CTNND2: variants seen among roughly 807,000 people sequenced by gnomAD.
The protein encoded by CTNND2 is catenin delta 2, also known as catenin delta-2.
A neutral mutation model predicts 144.4 loss-of-function variants in CTNND2; 22 were observed. The ratio of observed to expected loss-of-function variants is 0.15; its 90% confidence interval spans 0.11 to 0.22. CTNND2 has a LOEUF of 0.22. Among genes scored for constraint, CTNND2 ranks in the 10% least tolerant of loss-of-function variants. The pLI, the probability that CTNND2 is intolerant of heterozygous loss-of-function variation, is 1.00. For missense variants in CTNND2, 1,353 were observed against 1,618.8 expected, an observed-to-expected ratio of 0.84 and a Z score of 2.82; for synonymous variants, 751 against 695.6, an observed-to-expected ratio of 1.08 and a Z score of -1.25.
chr5:11,788,726 T>C (rs1361918405), intron 1 of CTNND2, among the ~76,000 whole-genome samples: 4 of 152,068 alleles, frequency 2.6e-5, no homozygotes, highest in Non-Finnish European at 4.4e-5. Flanking sequence ...ATGTGCGCAA[T>C]GTGCAGGTTT....
intron 12 of CTNND2, among the ~76,000 whole-genome samples, chr5:11,124,296 C>A (rs1054168040): frequency 6.6e-6 from 1 of 152,034 alleles, no homozygotes; most frequent in Non-Finnish European, 1.5e-5. Context: ...CGTAAAAATG[C>A]AAAAAATTGG....
At chr5:11,803,774 C>G (rs1791831327) in intron 1 of CTNND2, among the ~76,000 whole-genome samples, 1 of 152,174 alleles carries the variant, frequency 6.6e-6, no homozygotes, top group African/African-American at 2.4e-5. Flanking sequence ...TTTTATATCA[C>G]TCGTCTTATA....
In CTNND2 at chr5:11,400,047, T is replaced by C. The variant is rs58190705; in HGVS notation, c.440-2844A>G. Among the ~76,000 whole-genome samples the C allele has an allele frequency of 1.6e-3, 249 of 152,308 alleles. 1 individual carries two copies. The highest frequency in any genetic ancestry group is 5.9e-3 in the African/African-American group (246 of 41,576). ...TCAATTAGCTTTATTAATATTACTGTGCAATGAGGTAGAAAATACAAATTT... is the reference window on the plus strand; with the variant it reads ...TCAATTAGCTTTATTAATATTACTGCGCAATGAGGTAGAAAATACAAATTT... On this transcript the variant is annotated intron_variant, in intron 5 of 21. Transcript: ENST00000304623.
chr5:11,540,387 C>T (rs1581446400), intron 3 of CTNND2, among the ~76,000 whole-genome samples: 1 of 152,290 alleles, frequency 6.6e-6, no homozygotes, highest in East Asian at 1.9e-4. Flanking sequence ...TGCAGACTCC[C>T]TTACTCCTTG....
intron 6 of CTNND2, among the ~76,000 whole-genome samples, chr5:11,395,046 A>G (rs32044): frequency 0.34 from 51,830 of 152,076 alleles, 10,535 homozygotes; most frequent in East Asian, 0.54. Flanking sequence ...CCTCGGCTTG[A>G]AGGAGTAAGA....
At chr5:11,336,186 T>G (rs1232873763) in intron 9 of CTNND2, among the ~76,000 whole-genome samples, 3 of 152,210 alleles carry the variant, frequency 2.0e-5, no homozygotes, top group Non-Finnish European at 4.4e-5. Flanking sequence ...TTTTCAAAAA[T>G]CTCTGCTTTT....
At chr5:10,976,313 T>A (rs1330313473) in intron 21 of CTNND2, among the ~76,000 whole-genome samples, 2 of 151,846 alleles carry the variant, frequency 1.3e-5, no homozygotes, top group African/African-American at 4.8e-5. Flanking sequence ...CAGTTGAAAA[T>A]CTGGCTGATG....
At chr5:11,703,750 G>A (rs1056415784) in intron 2 of CTNND2, among the ~76,000 whole-genome samples, 1 of 152,016 alleles carries the variant, frequency 6.6e-6, no homozygotes, top group Admixed American at 6.6e-5. Context: ...TTTTAAAAAG[G>A]GTGAATTTGA....
At chr5:11,111,181 C>T (rs1752929126) in intron 13 of CTNND2, 138 bp from the exon 14 acceptor site, 1 of 846,026 alleles carries the variant, frequency 1.2e-6, no homozygotes. Context: ...TGAAAGCTCC[C>T]CTGATGGCCA....
intron 14 of CTNND2, among the ~76,000 whole-genome samples, chr5:11,108,576 T>C (rs951923937): frequency 1.3e-5 from 2 of 152,254 alleles, no homozygotes; most frequent in Admixed American, 1.3e-4. Context: ...CCTGTTTGAA[T>C]TGATAGGTTT....
chr5:11,504,720 T>C (rs1384394621), intron 3 of CTNND2, among the ~76,000 whole-genome samples: 1 of 152,184 alleles, frequency 6.6e-6, no homozygotes, highest in East Asian at 1.9e-4. Flanking sequence ...ATACATTTCA[T>C]GGGTTTCCTT....
At chr5:11,263,822 A>G (rs1283811443) in intron 9 of CTNND2, among the ~76,000 whole-genome samples, 2 of 151,958 alleles carry the variant, frequency 1.3e-5, no homozygotes, top group Non-Finnish European at 2.9e-5. Context: ...CTCTAAACAC[A>G]CTCCAGTTTG....
intron 1 of CTNND2, among the ~76,000 whole-genome samples, chr5:11,749,926 T>G (rs1788520872): frequency 6.6e-6 from 1 of 152,042 alleles, no homozygotes; most frequent in African/African-American, 2.4e-5. Context: ...CATATCATAA[T>G]CTATAATTAT....
intron 16 of CTNND2, among the ~76,000 whole-genome samples, chr5:11,062,610 T>C (rs577943403): frequency 1.3e-5 from 2 of 152,334 alleles, no homozygotes; most frequent in African/African-American, 4.8e-5. Flanking sequence ...CTTGACTACA[T>C]GGGAACAACG....
chr5:11,474,159 AT>A (rs111417568), intron 3 of CTNND2, among the ~76,000 whole-genome samples: 2,400 of 152,338 alleles, frequency 0.016, 60 homozygotes, highest in African/African-American at 0.055. Flanking sequence ...CATTCCACCC[AT>A]GTGAGATTAG....
chr5:11,116,148 G>A (rs1256211301), intron 13 of CTNND2, among the ~76,000 whole-genome samples: 2 of 152,176 alleles, frequency 1.3e-5, no homozygotes, highest in East Asian at 1.9e-4. Context: ...TAGGGTCTGT[G>A]CAGATGTATT....
intron 1 of CTNND2, among the ~76,000 whole-genome samples, chr5:11,766,237 G>A (rs1230993566): frequency 1.3e-5 from 2 of 152,168 alleles, no homozygotes; most frequent in Non-Finnish European, 2.9e-5. Flanking sequence ...ACATTCCATA[G>A]GGATAATAAT....
chr5:11,148,752 C>A (rs545769999), intron 12 of CTNND2, among the ~76,000 whole-genome samples: 1 of 152,154 alleles, frequency 6.6e-6, no homozygotes, highest in Admixed American at 6.5e-5. Context: ...CTGGGGATCC[C>A]GGCTGGGTGC....
intron 2 of CTNND2, among the ~76,000 whole-genome samples, chr5:11,690,272 C>G (rs1784834104): frequency 6.6e-6 from 1 of 151,398 alleles, no homozygotes; most frequent in Non-Finnish European, 1.5e-5. Context: ...AACAGCAACA[C>G]ATCAGCTTAA....
Sources: gnomAD v4.1 joint callset for allele counts (sites outside exome capture counted in the v4.1 genomes callset) on GRCh38, gnomAD v4.1.1 for gene constraint, MANE v1.5 for transcripts, NCBI Gene and HGNC (gene_info 2026-07-23, HGNC 2026-07-21) for gene names.